The following NFYC variants were observed in gnomAD, a reference collection of about 807,000 sequenced individuals.
NFYC encodes nuclear transcription factor Y subunit gamma.
In NFYC, 25 loss-of-function variants were observed where a neutral mutation model predicts 53.1. That is an observed-to-expected ratio of 0.47 (90% CI 0.34 to 0.66). NFYC has a LOEUF of 0.66. Among genes scored for constraint, NFYC ranks in the 30% least tolerant of loss-of-function variants. The pLI, the probability that NFYC is intolerant of heterozygous loss-of-function variation, is 0.01. For synonymous variants in NFYC, 145 were observed against 152.6 expected, an observed-to-expected ratio of 0.95 and a Z score of 0.37; for missense variants, 260 against 422.7, an observed-to-expected ratio of 0.62 and a Z score of 3.38.
chr1:40,734,877 C>T (rs1644944700), intron 1 of NFYC: 1 of 152,048 alleles, frequency 6.6e-6, no homozygotes. Context: ...GTGAGAAGAA[C>T]TTGTGTCCTT....
chr1:40,764,271 C>T (rs948721324), intron 7 of NFYC, among the ~76,000 whole-genome samples: 1 of 152,204 alleles, frequency 6.6e-6, no homozygotes, highest in African/African-American at 2.4e-5. Flanking sequence ...TTAACCACTT[C>T]CTCTGTGAAA....
At chr1:40,752,626 G>GT (rs1262566171) in intron 4 of NFYC, among the ~76,000 whole-genome samples, 1 of 151,898 alleles carries the variant, frequency 6.6e-6, no homozygotes, top group African/African-American at 2.4e-5. Flanking sequence ...TAAACCCATG[G>GT]TTTAAGTATT....
At chr1:40,765,777 T>C (rs1301761452) in intron 7 of NFYC, among the ~76,000 whole-genome samples, 1 of 152,224 alleles carries the variant, frequency 6.6e-6, no homozygotes, top group Non-Finnish European at 1.5e-5. Flanking sequence ...GGTCCTCTTT[T>C]CATCCCCAGC....
chr1:40,764,151 C>A (rs1186402642), intron 7 of NFYC, among the ~76,000 whole-genome samples: 1 of 152,082 alleles, frequency 6.6e-6, no homozygotes, highest in East Asian at 1.9e-4. Context: ...TCATTTTGAC[C>A]CCCCAAAACT....
intron 1 of NFYC, among the ~76,000 whole-genome samples, chr1:40,708,937 G>T (rs1643846960): frequency 6.6e-6 from 1 of 152,186 alleles, no homozygotes; most frequent in Admixed American, 6.5e-5. Context: ...TGGCCAATCA[G>T]AAGCAGTTAA....
chr1:40,696,837 T>C (rs1038035111), intron 1 of NFYC, among the ~76,000 whole-genome samples: 1 of 152,232 alleles, frequency 6.6e-6, no homozygotes, highest in Non-Finnish European at 1.5e-5. Flanking sequence ...CAGTCTTTCT[T>C]TTCATTTTGT....
rs144344413 is a variant in NFYC at position 40,769,692 on chromosome 1, T to C, written c.888+277T>C. ...GAGATGGGAAGTGCCTTGTCCATGC[T>C]CCCCTAGATGTTCATTGCAGAGCCA... On this transcript the variant is annotated intron_variant, in intron 9 of 9. Coordinates refer to ENST00000447388, the MANE Select transcript of NFYC (RefSeq NM_014223.5). Among the ~76,000 whole-genome samples, 98 of 152,212 alleles carry C rather than the reference T, an allele frequency of 6.4e-4. 2 individuals are homozygous for C. In the East Asian group the frequency reaches 0.011, roughly 17 times the overall value.
intron 3 of NFYC, among the ~76,000 whole-genome samples, chr1:40,748,719 A>C (rs1645752625): frequency 6.6e-6 from 1 of 152,120 alleles, no homozygotes; most frequent in South Asian, 2.1e-4. Flanking sequence ...ACCACTCAAA[A>C]TTAATAGTCT....
chr1:40,757,268 G>T lies in NFYC; in HGVS notation c.388-853G>T, dbSNP rs1335123221. On this transcript the variant is annotated intron_variant, in intron 5 of 9. Transcript: ENST00000447388. Reference sequence around the variant, plus strand: ...AGTGGTCAGGGGCTGATCAACCCTGGACCCTGTGGGCTATAACCATGCTGT... The same window carrying T: ...AGTGGTCAGGGGCTGATCAACCCTGTACCCTGTGGGCTATAACCATGCTGT... The T allele has an allele frequency of 1.7e-5, 9 of 526,342 alleles. No homozygotes were observed. The Admixed American group carries it at 1.8e-4, about 10-fold the overall frequency. The allele number at this position is 526,342 out of a possible 1,614,324, so 32.6% of individuals were successfully genotyped here.
At chr1:40,741,621 G>A (rs758717507) in intron 2 of NFYC, among the ~76,000 whole-genome samples, 46 of 149,904 alleles carry the variant, frequency 3.1e-4, no homozygotes, top group Non-Finnish European at 8.9e-5. Context: ...TTCCTTTTTG[G>A]AGACAGGGTC....
At chr1:40,757,355 T>C (rs1232471561) in intron 5 of NFYC, 1 of 534,494 alleles carries the variant, frequency 1.9e-6, no homozygotes. Context: ...GAGGGTTGTT[T>C]ACTCCTTCTG....
In NFYC at chr1:40,715,283, A is replaced by T. The variant is rs539846973; in HGVS notation, c.-9+23416A>T. On this transcript the variant is annotated intron_variant, in intron 1 of 9. Transcript: ENST00000447388. Reference sequence around the variant, plus strand: ...TAGCCAGGCGTAGTCCCAGCTATACAGGAGGCTGAGGCACAAGAATTGCTT... The same window carrying T: ...TAGCCAGGCGTAGTCCCAGCTATACTGGAGGCTGAGGCACAAGAATTGCTT... Among the ~76,000 whole-genome samples the T allele has an allele frequency of 2.0e-5, 3 of 151,686 alleles. No individual in the cohort carries two copies. In the South Asian group the frequency reaches 6.3e-4, roughly 32 times the overall value.
intron 4 of NFYC, 120 bp from the exon 5 acceptor site, chr1:40,753,031 G>C (rs1646001215): frequency 1.4e-5 from 9 of 658,992 alleles, no homozygotes; most frequent in Non-Finnish European, 2.2e-5. Context: ...TTCAGCTGTA[G>C]ACTTGCCCGT....
chr1:40,741,823 C>A (rs1000207240), intron 2 of NFYC, among the ~76,000 whole-genome samples: 1 of 152,022 alleles, frequency 6.6e-6, no homozygotes, highest in African/African-American at 2.4e-5. Context: ...TGGCTGGTCT[C>A]AAACTTCTGG....
intron 7 of NFYC, chr1:40,766,302 G>C: frequency 3.3e-6 from 1 of 307,336 alleles, no homozygotes; most frequent in Non-Finnish European, 6.1e-6. Flanking sequence ...CTAAGAGCTG[G>C]CAAATAATGA....
At chr1:40,695,041 A>G (rs900214210) in intron 1 of NFYC, among the ~76,000 whole-genome samples, 1 of 152,172 alleles carries the variant, frequency 6.6e-6, no homozygotes, top group Non-Finnish European at 1.5e-5. Context: ...ATTTGAAGTC[A>G]GGAGTTTGAG....
intron 1 of NFYC, among the ~76,000 whole-genome samples, chr1:40,715,748 A>G (rs1206424495): frequency 6.6e-6 from 1 of 152,204 alleles, no homozygotes; most frequent in African/African-American, 2.4e-5. Flanking sequence ...TAGCACCTGC[A>G]GTGAAAATGG....
chr1:40,718,017 A>G (rs1332295856), intron 1 of NFYC, among the ~76,000 whole-genome samples: 11 of 152,232 alleles, frequency 7.2e-5, no homozygotes, highest in Non-Finnish European at 1.5e-5. Context: ...TCAATCTAAA[A>G]TAAAGGCAAT....
intron 7 of NFYC, among the ~76,000 whole-genome samples, chr1:40,763,819 T>G (rs1381852824): frequency 1.3e-5 from 2 of 152,222 alleles, no homozygotes; most frequent in Admixed American, 1.3e-4. Flanking sequence ...ATTCTACCTA[T>G]GCAGGGAAAT....
Sources: gnomAD v4.1 joint callset for allele counts (sites outside exome capture counted in the v4.1 genomes callset) on GRCh38, gnomAD v4.1.1 for gene constraint, MANE v1.5 for transcripts, NCBI Gene and HGNC (gene_info 2026-07-23, HGNC 2026-07-21) for gene names.